The following INTS6 variants were observed in gnomAD, a reference collection of about 807,000 sequenced individuals.
INTS6 encodes DEAD box protein.
In INTS6, 16 loss-of-function variants were observed where a neutral mutation model predicts 104.9. The observed-to-expected ratio is 0.15, with a 90% confidence interval of 0.10 to 0.23. The LOEUF is 0.23. Ranked by LOEUF, INTS6 falls within the 10% of genes least tolerant of loss-of-function variation. The pLI is 1.00. For synonymous variants in INTS6, 324 were observed against 358.7 expected (o/e 0.90, Z 1.09); for missense variants, 584 against 1,062.8 (o/e 0.55, Z 6.26).
At position 51,383,677 on chromosome 13, in the gene INTS6, T is replaced by C; in HGVS notation, c.959A>G (p.Asp320Gly). ...CTCATATTTGTCAAAAGGAAGTTTA[T>C]CAATAACCATTGGTTCACAGTCTGT... ...SCTDCEPMVI[D>G]KLPFDKYELE... is the part of the protein sequence containing the mutation. The change falls in exon 8 of 18, where the codon GAT becomes GGT. Residue 320 changes from aspartate to glycine, a missense_variant. Physicochemically the swap from Asp to Gly is moderately conservative, Grantham distance 94 (BLOSUM62 -1). Transcript: ENST00000311234. 2.5e-6 allele frequency: 4 copies of C among 1,613,900 alleles called. No homozygotes were observed. Among genetic ancestry groups the C allele is most frequent in the Non-Finnish European group, 3.4e-6 (4 of 1,179,832 alleles).
At chr13:51,450,522 T>TA in intron 3 of INTS6, 1 of 985,414 alleles carries the variant, frequency 1.0e-6, no homozygotes, top group Non-Finnish European at 1.2e-6. Context: ...AAAGAAAACT[T>TA]AAATGTTCTC....
rs1189793838 is a variant in INTS6 at position 51,391,979 on chromosome 13, G to A, written c.614-2535C>T. On this transcript the variant is annotated intron_variant, in intron 5 of 17. Coordinates refer to ENST00000311234, the MANE Select transcript of INTS6 (RefSeq NM_012141.3). ...TCCTTGGCACAGCCATCCATCTCTA[G>A]TGGTTCGGACCAACTGAATCATCTG... Among the ~76,000 whole-genome samples, 4 of 152,130 alleles carry A rather than the reference G, an allele frequency of 2.6e-5. No homozygotes were observed. The South Asian group carries it at 8.3e-4, about 32-fold the overall frequency.
chr13:51,404,293 TAAAA>T, intron 4 of INTS6, among the ~76,000 whole-genome samples: 1 of 106,612 alleles, frequency 9.4e-6, no homozygotes, highest in Non-Finnish European at 2.1e-5. Context: ...AAGCAAAAAC[TAAAA>T]AAAAAAAAAA....
intron 4 of INTS6, among the ~76,000 whole-genome samples, chr13:51,425,313 C>T (rs1956965373): frequency 1.3e-5 from 2 of 151,984 alleles, no homozygotes; most frequent in Admixed American, 1.3e-4. Context: ...TGAAGACATG[C>T]CCTTACCGAA....
chr13:51,378,378 C>G lies in INTS6; in HGVS notation c.1463G>C (p.Ser488Thr). The change falls in exon 12 of 18, where the codon AGC becomes ACC. Residue 488 changes from serine to threonine, a missense_variant. By Grantham distance (58) the Ser-to-Thr change is moderately conservative. Coordinates refer to ENST00000311234, the MANE Select transcript of INTS6 (RefSeq NM_012141.3). ...VVQETGIKVR[S>T]RSHGLSMAYR... The stretch of plus-strand genomic sequence containing the variant: ...TGCCATTGATAAACCATGTGATCGG[C>G]TCCGGACTTTTATTCCAGTCTCCTG... The G allele has an allele frequency of 6.2e-7, 1 of 1,613,488 alleles. No individual in the cohort carries two copies. The highest frequency in any genetic ancestry group is 8.5e-7 in the Non-Finnish European group (1 of 1,179,522).
intron 3 of INTS6, 122 bp downstream of exon 3, chr13:51,450,903 A>C: frequency 7.4e-7 from 1 of 1,343,172 alleles, no homozygotes; most frequent in Middle Eastern, 2.9e-4. Context: ...AACAATGTGC[A>C]TATTCTATTT....
intron 5 of INTS6, 140 bp downstream of exon 5, chr13:51,395,160 A>T: frequency 2.8e-6 from 2 of 703,744 alleles, no homozygotes; most frequent in Non-Finnish European, 4.5e-6. Context: ...CAATAAATGT[A>T]CTATTAAAAG....
intron 4 of INTS6, among the ~76,000 whole-genome samples, chr13:51,403,757 C>T (rs1403224322): frequency 1.3e-5 from 2 of 151,996 alleles, no homozygotes; most frequent in Non-Finnish European, 2.9e-5. Context: ...GCCTATCCCA[C>T]GAGTTTGGAA....
Position 51,405,067 on chromosome 13 carries a change from G to A in INTS6, c.430-9584C>T, listed in dbSNP as rs1956536037. ...CAGGGAAGACTTCTCAGAGGAAGTA[G>A]CATCTGAGCAAGTGTGAAGAATAAT... On this transcript the variant is annotated intron_variant, in intron 4 of 17. Transcript: ENST00000311234. 2.0e-5 allele frequency among the ~76,000 whole-genome samples: 3 copies of A among 152,324 alleles called. No individual in the cohort carries two copies. The East Asian group carries it at 5.8e-4, about 29-fold the overall frequency.
chr13:51,349,039 A>G, the INTS6 span, among the ~76,000 whole-genome samples: 1 of 152,228 alleles, frequency 6.6e-6, no homozygotes, highest in Non-Finnish European at 1.5e-5. Flanking sequence ...AACAAAATCT[A>G]TTAGCAAAAC....
At chr13:51,437,517 G>A (rs1011222624) in intron 3 of INTS6, 1 of 151,966 alleles carries the variant, frequency 6.6e-6, no homozygotes, top group Non-Finnish European at 1.5e-5. Context: ...TTCTATGACA[G>A]CCTTCTATAT....
At chr13:51,374,134 C>A in intron 15 of INTS6, 74 bp downstream of exon 15, 1 of 1,225,946 alleles carries the variant, frequency 8.2e-7, no homozygotes, top group Non-Finnish European at 1.2e-6. Context: ...CTTCTATAAT[C>A]TATAACAAAA....
chr13:51,375,743 G>A (rs1245197559), intron 13 of INTS6, among the ~76,000 whole-genome samples: 2 of 146,972 alleles, frequency 1.4e-5, no homozygotes, highest in South Asian at 2.1e-4. Flanking sequence ...GGGTGTGTGT[G>A]TGTGTGTGTG....
At chr13:51,374,921 T>C (rs1185505331) in intron 13 of INTS6, 125 bp from the exon 14 acceptor site, 1 of 958,510 alleles carries the variant, frequency 1.0e-6, no homozygotes, top group Non-Finnish European at 1.5e-6. Flanking sequence ...TATTCTAAAT[T>C]TGTTTGGTGC....
At chr13:51,361,533 AC>A (rs1406104593), downstream of INTS6, 1 of 597,106 alleles carries the variant, frequency 1.7e-6, no homozygotes, top group Admixed American at 3.2e-5. Flanking sequence ...TTGAAAAATG[AC>A]GGGGAAGAAG....
At chr13:51,361,402 T>C (rs1394949177), downstream of INTS6, 1 of 1,266,886 alleles carries the variant, frequency 7.9e-7, no homozygotes, top group East Asian at 2.3e-5. Context: ...TGCTTACCCA[T>C]ATCTACCTTT....
intron 4 of INTS6, among the ~76,000 whole-genome samples, chr13:51,412,850 T>G (rs775208065): frequency 1.3e-5 from 2 of 152,174 alleles, no homozygotes; most frequent in African/African-American, 4.8e-5. Context: ...ACTAATGCTA[T>G]CAAGTGTGCA....
intron 6 of INTS6, 77 bp from the exon 7 acceptor site, chr13:51,387,617 T>C: frequency 2.7e-6 from 3 of 1,094,838 alleles, no homozygotes; most frequent in South Asian, 2.3e-5. Flanking sequence ...TTATATCAAT[T>C]ATTACTTAAA....
Position 51,373,797 on chromosome 13 carries a change from T to C in INTS6, c.2104+411A>G, listed in dbSNP as rs536195464. 1.4e-4 allele frequency among the ~76,000 whole-genome samples: 22 copies of C among 152,302 alleles called. No homozygotes were observed. The East Asian group carries it at 3.5e-3, about 24-fold the overall frequency. ...ATATCTGTTCAATGACTGACCTTCC[T>C]TGCTGATTATAAATGAGGGCAGAGA... On this transcript the variant is annotated intron_variant, in intron 15 of 17. Coordinates refer to ENST00000311234, the MANE Select transcript of INTS6 (RefSeq NM_012141.3).
Sources: allele counts gnomAD v4.1 joint callset (sites outside exome capture counted in the v4.1 genomes callset), GRCh38; gene constraint gnomAD v4.1.1; transcripts MANE v1.5; gene names NCBI Gene and HGNC (gene_info 2026-07-23, HGNC 2026-07-21).